KANK2: variants seen among roughly 807,000 people sequenced by gnomAD.
The protein encoded by KANK2 is KN motif and ankyrin repeat domains 2.
In KANK2, 41 loss-of-function variants were observed where a neutral mutation model predicts 74.6. The ratio of observed to expected loss-of-function variants is 0.55; its 90% CI spans 0.43 to 0.71. The LOEUF (loss-of-function observed/expected upper bound fraction) is 0.71, where lower values mean the gene tolerates loss of function less well. Among genes scored for constraint, KANK2 ranks in the 30% least tolerant of loss-of-function variants. The pLI is 0.00. For missense variants in KANK2, 1,148 were observed against 1,196.4 expected (o/e 0.96, Z 0.60); for synonymous variants, 537 against 519.0 (o/e 1.03, Z -0.47).
At chr19:11,187,071 CGTG>C (rs1439440956) in intron 4 of KANK2, among the ~76,000 whole-genome samples, 1 of 152,016 alleles carries the variant, frequency 6.6e-6, no homozygotes, top group Non-Finnish European at 1.5e-5. Flanking sequence ...GCCTGGCCAA[CGTG>C]GTGAAACCCC....
rs200363050 is a variant in KANK2 at position 11,169,896 on chromosome 19, C to T, written c.2483G>A (p.Arg828His). 103 of 1,614,024 alleles carry T rather than the reference C, an allele frequency of 6.4e-5. No homozygotes were observed. The highest frequency in any genetic ancestry group is 1.6e-4 in the Middle Eastern group (1 of 6,062). The change falls in exon 12 of 13, where the codon CGC becomes CAC. Residue 828 changes from arginine (R) to histidine (H), a missense_variant. Coordinates refer to ENST00000586659, the MANE Select transcript of KANK2 (RefSeq NM_001136191.3). Reference sequence around the variant, plus strand: ...ACTCACCGAGCACTTGATGTTCATGCGGGAATACAGCATGGACGCAATCTC... The same window carrying T: ...ACTCACCGAGCACTTGATGTTCATGTGGGAATACAGCATGGACGCAATCTC... ...QSEIASMLYS[R>H]MNIKCSFAPM... is the part of the protein sequence containing the mutation.
intron 1 of KANK2, 178 bp downstream of exon 1, chr19:11,197,307 C>G (rs1334917329): frequency 1.3e-5 from 2 of 149,966 alleles, no homozygotes; most frequent in African/African-American, 4.9e-5. Context: ...GACAGACACT[C>G]CAAGTCTGGA....
chr19:11,191,286 C>G (rs1359983865), intron 4 of KANK2, among the ~76,000 whole-genome samples: 1 of 152,158 alleles, frequency 6.6e-6, no homozygotes, highest in East Asian at 1.9e-4. Flanking sequence ...AGCGATCCAC[C>G]TGCCTTGGCC....
intron 6 of KANK2, among the ~76,000 whole-genome samples, 180 bp from the exon 7 acceptor site, chr19:11,176,997 G>A (rs948245208): frequency 2.0e-5 from 3 of 151,776 alleles, no homozygotes; most frequent in African/African-American, 4.8e-5. Flanking sequence ...CACAGTAAGC[G>A]CTCAATAAAC....
chr19:11,194,633 GGGGGA>G, intron 2 of KANK2, 43 bp from the exon 3 acceptor site: 1 of 770,924 alleles, frequency 1.3e-6, no homozygotes, highest in Non-Finnish European at 2.3e-6. Flanking sequence ...GGAGTCTGTA[GGGGGA>G]GGGGAGGAGA....
intron 4 of KANK2, among the ~76,000 whole-genome samples, chr19:11,192,248 A>C (rs1158552910): frequency 6.6e-6 from 1 of 152,086 alleles, no homozygotes; most frequent in Admixed American, 6.6e-5. Context: ...ACTTTCCCCC[A>C]AATACCTCCC....
At chr19:11,194,820 G>A (rs373023474) in intron 2 of KANK2, 21 of 301,494 alleles carry the variant, frequency 7.0e-5, no homozygotes, top group Non-Finnish European at 1.1e-4. Flanking sequence ...ATCTGTCCAG[G>A]CCCTGGACAG....
chr19:11,171,795 T>C (rs1165873200), intron 10 of KANK2, among the ~76,000 whole-genome samples: 7 of 146,684 alleles, frequency 4.8e-5, no homozygotes, highest in Non-Finnish European at 9.0e-5. Flanking sequence ...TCTCCTGCCT[T>C]GAGTAGCTGG....
In KANK2 at chr19:11,195,670, AGTCTCTCTGTGTCTCTCCAC is replaced by A. The variant is rs71164166; in HGVS notation, c.-148_-129del. On this transcript the variant is annotated 5_prime_UTR_variant, in exon 2 of 13. Coordinates refer to ENST00000586659, the MANE Select transcript of KANK2 (RefSeq NM_001136191.3). ...TCCTGTCTTGCTTTGTCTCTCTCCA[AGTCTCTCTGTGTCTCTCCAC>A]GTCTCTCTGTGTCTCTCCACGTCTC... is the stretch of plus-strand genomic sequence containing the variant. 70,999 of 150,170 alleles carry A rather than the reference AGTCTCTCTGTGTCTCTCCAC, an allele frequency of 0.47. 17,492 individuals are homozygous for A. The highest frequency in any genetic ancestry group is 0.62 in the African/African-American group (25,240 of 40,740). The allele number at this position is 150,170 out of a possible 1,614,324, so 9.3% of individuals were successfully genotyped here.
intron 4 of KANK2, among the ~76,000 whole-genome samples, chr19:11,184,943 G>C (rs544605512): frequency 0.011 from 1,676 of 148,712 alleles, 104 homozygotes; most frequent in African/African-American, 0.039. Flanking sequence ...CTCCCGAGTA[G>C]CTGGGATTAC....
rs56203270 is a variant in KANK2, at chr19:11,189,603, C to CAAAA, written c.1249+3224_1249+3227dup. Reference sequence around the variant, plus strand: ...TGGGCGACAGAGCAAGACTCTGTCTCAAAAAAAAAAAAAAAAAAAAAAAAA... The same window carrying CAAAA: ...TGGGCGACAGAGCAAGACTCTGTCTCAAAAAAAAAAAAAAAAAAAAAAAAAAAAA... On this transcript the variant is annotated intron_variant, in intron 4 of 12. Coordinates refer to ENST00000586659, the MANE Select transcript of KANK2 (RefSeq NM_001136191.3). Among the ~76,000 whole-genome samples the CAAAA allele has an allele frequency of 1.4e-3, 62 of 43,142 alleles. 1 individual carries two copies. Among genetic ancestry groups the CAAAA allele is most frequent in the Non-Finnish European group, 1.9e-3 (50 of 25,728 alleles). The allele number at this position is 43,142 out of a possible 152,430, so 28.3% of individuals were successfully genotyped here.
intron 3 of KANK2, 90 bp from the exon 4 acceptor site, chr19:11,194,132 T>C (rs2078946993): frequency 3.5e-6 from 5 of 1,416,648 alleles, no homozygotes; most frequent in African/African-American, 1.4e-5. Context: ...TGGGGTTTAT[T>C]TGCCGAAGAG....
chr19:11,193,519 G>C lies in KANK2; in HGVS notation c.561C>G (p.His187Gln). 6.2e-7 allele frequency: 1 copy of C among 1,608,020 alleles called. No homozygotes were observed. The highest frequency in any genetic ancestry group is 8.5e-7 in the Non-Finnish European group (1 of 1,179,692). ...GGGCACCCGCCATCTGCTCCCGCACGTGGGCCAGGTGCCCGGCACTGGGAG... is the reference window on the plus strand; with the variant it reads ...GGGCACCCGCCATCTGCTCCCGCACCTGGGCCAGGTGCCCGGCACTGGGAG... ...PVPPSAGHLAHVREQMAGALR... is the reference protein window; with the variant it reads ...PVPPSAGHLAQVREQMAGALR... The change falls in exon 4 of 13, where the codon CAC (histidine) becomes CAG (glutamine). Residue 187 changes from histidine to glutamine, a missense_variant. Coordinates refer to ENST00000586659, the MANE Select transcript of KANK2 (RefSeq NM_001136191.3). This position sits in a 1 kb window ranked among gnomAD's most constrained non-coding sequence, Gnocchi z 9.6.
In KANK2 at chr19:11,173,143, C is replaced by T. The variant is rs377487306; in HGVS notation, c.2069-20G>A. On this transcript the variant is annotated intron_variant, in intron 9 of 12. Transcript: ENST00000586659. The stretch of plus-strand genomic sequence containing the variant: ...AGACACCTAAGAGACATGGTGTGAA[C>T]CCTCAGACCAGGGATCGCTGCTAGT... 14 of 1,603,690 alleles carry T rather than the reference C, an allele frequency of 8.7e-6. No homozygotes were observed. Among genetic ancestry groups the T allele is most frequent in the Non-Finnish European group, 1.1e-5 (13 of 1,173,462 alleles).
At chr19:11,187,475 G>T (rs1261431298) in intron 4 of KANK2, among the ~76,000 whole-genome samples, 1 of 152,068 alleles carries the variant, frequency 6.6e-6, no homozygotes, top group African/African-American at 2.4e-5. Context: ...AAGGTGGTTT[G>T]TAAGGAATGG....
chr19:11,194,683 C>T (rs899571772), intron 2 of KANK2, 93 bp from the exon 3 acceptor site: 7 of 588,456 alleles, frequency 1.2e-5, no homozygotes, highest in African/African-American at 9.3e-5. Context: ...GTTCACCCAG[C>T]CCCCCAACCC....
In KANK2 at chr19:11,190,721, CAGA is replaced by C. The variant is rs2078818314; in HGVS notation, c.1249+2107_1249+2109del. 2.0e-5 allele frequency among the ~76,000 whole-genome samples: 3 copies of C among 148,726 alleles called. No individual in the cohort carries two copies. The Admixed American group carries it at 2.0e-4, about 10-fold the overall frequency. ...GGCAGAGCCTCCCTGACCATGTTTCCAGAAGAACAGCTGTCATTATTATTGTTG... is the reference window on the plus strand; with the variant it reads ...GGCAGAGCCTCCCTGACCATGTTTCCAGAACAGCTGTCATTATTATTGTTG... On this transcript the variant is annotated intron_variant, in intron 4 of 12. Coordinates refer to ENST00000586659, the MANE Select transcript of KANK2 (RefSeq NM_001136191.3).
At position 11,169,958 on chromosome 19, in the gene KANK2, G is replaced by A; in HGVS notation, c.2421C>T (p.Ser807=). 6.2e-7 allele frequency: 1 copy of A among 1,614,160 alleles called. No individual in the cohort carries two copies. Among genetic ancestry groups the A allele is most frequent in the South Asian group, 1.1e-5 (1 of 91,084 alleles). Residue 807 remains serine (S), a synonymous_variant, in exon 12 of 13, where the codon AGC becomes AGT. Coordinates refer to ENST00000586659, the MANE Select transcript of KANK2 (RefSeq NM_001136191.3). ...CGTCCAAGGCCACCATCAGAGCTGT[G>A]CTCCCATCCTGCAAAGTATCCGGTG... is the stretch of plus-strand genomic sequence containing the variant. ...CDISLTDRDG[S]TALMVALDAG...
At position 11,192,793 on chromosome 19, in the gene KANK2, C is replaced by G. The variant is rs7254270; in HGVS notation, c.1249+38G>C. ...CATGGGAAGAAAGAGGCCCCCCCCC[C>G]CCAAGCCATTCTCCCCTGCCTGCCT... On this transcript the variant is annotated intron_variant, in intron 4 of 12. Transcript: ENST00000586659. 469,095 of 1,576,056 alleles carry G rather than the reference C, an allele frequency of 0.3. 75,623 individuals carry two copies. The highest frequency in any genetic ancestry group is 0.49 in the South Asian group (43,704 of 90,018).
Sources: gnomAD v4.1 joint callset for allele counts (sites outside exome capture counted in the v4.1 genomes callset) on GRCh38, gnomAD v4.1.1 for gene constraint, Gnocchi (gnomAD v3.1) non-coding constraint, MANE v1.5 for transcripts, NCBI Gene and HGNC (gene_info 2026-07-23, HGNC 2026-07-21) for gene names.